The following SHTN1 variants were observed in gnomAD, a reference collection of about 807,000 sequenced individuals.
SHTN1 encodes shootin-1.
SHTN1 carries 42 observed loss-of-function variants against 83.1 expected under a neutral mutation model. That is an observed-to-expected ratio of 0.51 (90% CI 0.39 to 0.65). The LOEUF is 0.65. SHTN1 is among the 30% of genes least tolerant of loss of function. SHTN1 has a pLI of 0.00. For missense variants in SHTN1, 622 were observed against 737.8 expected, an observed-to-expected ratio of 0.84 and a Z score of 1.82; for synonymous variants, 224 against 247.7, an observed-to-expected ratio of 0.90 and a Z score of 0.90.
At chr10:117,031,740 A>G (rs1785531048) in intron 2 of SHTN1, among the ~76,000 whole-genome samples, 1 of 152,172 alleles carries the variant, frequency 6.6e-6, no homozygotes, top group East Asian at 1.9e-4. Flanking sequence ...ACCAAAAACC[A>G]TACAACAGAT....
chr10:117,006,236 T>G (rs950542275), upstream of SHTN1, among the ~76,000 whole-genome samples: 372 of 22,024 alleles, frequency 0.017, 3 homozygotes, highest in African/African-American at 0.018. Context: ...TGCAGTTTTT[T>G]TTTGTTTTTT....
chr10:117,059,810 G>C (rs1852873736), intron 1 of SHTN1, among the ~76,000 whole-genome samples: 3 of 152,170 alleles, frequency 2.0e-5, no homozygotes, highest in Admixed American at 1.3e-4. Flanking sequence ...TACAGTTTTG[G>C]AAGATTGTAC....
chr10:116,942,355 G>T (rs1476956966), intron 8 of SHTN1, among the ~76,000 whole-genome samples: 1 of 152,014 alleles, frequency 6.6e-6, no homozygotes, highest in African/African-American at 2.4e-5. Flanking sequence ...TGGGACTACA[G>T]GTGCCTGCCA....
intron 1 of SHTN1, among the ~76,000 whole-genome samples, chr10:117,099,767 C>A (rs749375091): frequency 3.3e-5 from 5 of 152,080 alleles, no homozygotes; most frequent in Non-Finnish European, 7.4e-5. Flanking sequence ...TTTCTCTAAC[C>A]TTTGAGGCCT....
At chr10:116,938,092 T>C (rs1035157177) in intron 9 of SHTN1, among the ~76,000 whole-genome samples, 1 of 152,022 alleles carries the variant, frequency 6.6e-6, no homozygotes, top group African/African-American at 2.4e-5. Flanking sequence ...CTTGGCTTCC[T>C]TGCGTTGGGT....
At chr10:116,931,042 T>C (rs557536743) in intron 9 of SHTN1, among the ~76,000 whole-genome samples, 1 of 151,264 alleles carries the variant, frequency 6.6e-6, no homozygotes, top group African/African-American at 2.4e-5. Flanking sequence ...TAAACATGGG[T>C]CACTTTTGTA....
intron 16 of SHTN1, chr10:116,901,069 CTGATT>C (rs1847714240): frequency 2.0e-6 from 2 of 985,408 alleles, no homozygotes; most frequent in Non-Finnish European, 1.2e-6. Flanking sequence ...TTCGGCTGAT[CTGATT>C]TGTCTCACCT....
intron 2 of SHTN1, among the ~76,000 whole-genome samples, chr10:117,037,898 TG>T (rs67487541): frequency 1 from 151,065 of 151,070 alleles, 75,530 homozygotes; most frequent in Middle Eastern, 1. Flanking sequence ...CCCAGGTACT[TG>T]GGGAGGTGAG....
At chr10:117,024,004 C>T (rs1181874498) in intron 2 of SHTN1, among the ~76,000 whole-genome samples, 2 of 152,150 alleles carry the variant, frequency 1.3e-5, no homozygotes, top group Non-Finnish European at 2.9e-5. Context: ...CATAATTCTT[C>T]CTGTTCATAC....
At chr10:116,938,416 A>C (rs1332965467) in intron 9 of SHTN1, among the ~76,000 whole-genome samples, 1 of 152,180 alleles carries the variant, frequency 6.6e-6, no homozygotes, top group Non-Finnish European at 1.5e-5. Context: ...TCTAGCAGTC[A>C]GGCCCCGCTA....
intron 2 of SHTN1, among the ~76,000 whole-genome samples, chr10:117,018,753 A>G (rs1852220612): frequency 6.6e-6 from 1 of 151,676 alleles, no homozygotes; most frequent in Non-Finnish European, 1.5e-5. Flanking sequence ...GTATTTTTTC[A>G]GTAGAGAGGG....
intron 1 of SHTN1, among the ~76,000 whole-genome samples, chr10:117,003,189 C>A (rs1851881591): frequency 4.6e-5 from 7 of 151,888 alleles, no homozygotes; most frequent in Admixed American, 4.6e-4. Context: ...GAAAGCTCCA[C>A]AAATCTAGAA....
chr10:116,986,070 TAAG>T (rs1177603774), intron 1 of SHTN1, among the ~76,000 whole-genome samples: 8 of 152,190 alleles, frequency 5.3e-5, no homozygotes, highest in African/African-American at 1.4e-4. Context: ...TAATGATACT[TAAG>T]AAGTACTCTC....
At chr10:116,925,804 G>A (rs577914210) in intron 11 of SHTN1, among the ~76,000 whole-genome samples, 2 of 152,134 alleles carry the variant, frequency 1.3e-5, no homozygotes, top group African/African-American at 4.8e-5. Flanking sequence ...GGAAGAGAAG[G>A]GAAAAGCAGT....
At chr10:116,945,987 T>C (rs1021205651) in intron 7 of SHTN1, among the ~76,000 whole-genome samples, 1 of 152,112 alleles carries the variant, frequency 6.6e-6, no homozygotes, top group Non-Finnish European at 1.5e-5. Context: ...AATGATTCCA[T>C]TTACATAGAG....
chr10:117,029,804 C>A (rs1852382445), intron 2 of SHTN1, among the ~76,000 whole-genome samples: 1 of 152,016 alleles, frequency 6.6e-6, no homozygotes, highest in Non-Finnish European at 1.5e-5. Flanking sequence ...TCCTGTATAG[C>A]CTGTGATACC....
intron 2 of SHTN1, among the ~76,000 whole-genome samples, chr10:117,014,893 A>G (rs867318674): frequency 2.0e-5 from 3 of 152,250 alleles, no homozygotes; most frequent in East Asian, 1.9e-4. Context: ...TAAAACACCT[A>G]AAGTTTGTGA....
chr10:116,947,799 T>A (rs537854653), intron 7 of SHTN1, among the ~76,000 whole-genome samples: 56 of 152,112 alleles, frequency 3.7e-4, no homozygotes, highest in Non-Finnish European at 6.3e-4. Context: ...AAGATCTACA[T>A]GATTAATCCT....
intron 11 of SHTN1, among the ~76,000 whole-genome samples, chr10:116,921,939 T>C (rs1848582998): frequency 6.6e-6 from 1 of 152,180 alleles, no homozygotes; most frequent in Non-Finnish European, 1.5e-5. Context: ...TATAAAAACA[T>C]CTGAATCAGC....
Sources: gnomAD v4.1 joint callset for allele counts (sites outside exome capture counted in the v4.1 genomes callset) on GRCh38, gnomAD v4.1.1 for gene constraint, MANE v1.5 for transcripts, NCBI Gene and HGNC (gene_info 2026-07-23, HGNC 2026-07-21) for gene names.